GAB2: variants seen among roughly 807,000 people sequenced by gnomAD.
The protein encoded by GAB2 is GRB2 associated binding protein 2.
A neutral mutation model predicts 65.5 loss-of-function variants in GAB2; 26 were observed. The observed-to-expected ratio is 0.40, with a 90% CI of 0.29 to 0.55. The LOEUF (loss-of-function observed/expected upper bound fraction) is 0.55, where lower values mean the gene tolerates loss of function less well. GAB2 is among the 20% of genes least tolerant of loss of function. The pLI is 0.53. For missense variants in GAB2, 884 were observed against 875.8 expected (o/e 1.01, Z -0.12); for synonymous variants, 321 against 329.6 (o/e 0.97, Z 0.28).
At chr11:78,389,879 CCTAG>C (rs1388138639) in intron 1 of GAB2, among the ~76,000 whole-genome samples, 1 of 152,176 alleles carries the variant, frequency 6.6e-6, no homozygotes, top group Non-Finnish European at 1.5e-5. Context: ...TCTCGCAATG[CCTAG>C]CTGAAGTTCT....
chr11:78,307,594 C>T (rs1855390996), intron 1 of GAB2, among the ~76,000 whole-genome samples: 1 of 92,822 alleles, frequency 1.1e-5, no homozygotes, highest in Non-Finnish European at 2.0e-5. Flanking sequence ...CCCATCTCTA[C>T]AAAAAATGTT....
chr11:78,232,798 GAC>G (rs1397378296), intron 3 of GAB2, among the ~76,000 whole-genome samples: 1 of 152,246 alleles, frequency 6.6e-6, no homozygotes. Flanking sequence ...AATCCAATCA[GAC>G]ACAGTTATGT....
intron 6 of GAB2, among the ~76,000 whole-genome samples, chr11:78,222,687 A>C (rs999270278): frequency 1.3e-5 from 2 of 152,018 alleles, no homozygotes; most frequent in African/African-American, 4.8e-5. Flanking sequence ...AGTTCAAGTG[A>C]TTCTCCTGCC....
chr11:78,361,133 T>A (rs1003745722), intron 1 of GAB2, among the ~76,000 whole-genome samples: 1 of 152,238 alleles, frequency 6.6e-6, no homozygotes, highest in African/African-American at 2.4e-5. Context: ...CTCAAATCCA[T>A]GGGAAAGATT....
chr11:78,254,879 T>C (rs1483070875), intron 2 of GAB2, among the ~76,000 whole-genome samples: 2 of 151,982 alleles, frequency 1.3e-5, no homozygotes, highest in African/African-American at 4.8e-5. Flanking sequence ...GCACTAAAAC[T>C]TGCCAAAATC....
At chr11:78,304,867 A>G (rs1193843157) in intron 1 of GAB2, among the ~76,000 whole-genome samples, 1 of 152,146 alleles carries the variant, frequency 6.6e-6, no homozygotes, top group Non-Finnish European at 1.5e-5. Context: ...CCTCCCCTCC[A>G]TGCCTATTTC....
At chr11:78,301,794 A>C (rs889355464) in intron 1 of GAB2, among the ~76,000 whole-genome samples, 1 of 152,212 alleles carries the variant, frequency 6.6e-6, no homozygotes, top group Admixed American at 6.5e-5. Flanking sequence ...TTCAAACTAT[A>C]CTATAAGGCT....
At chr11:78,411,358 T>A (rs570518732) in intron 1 of GAB2, among the ~76,000 whole-genome samples, 1 of 152,312 alleles carries the variant, frequency 6.6e-6, no homozygotes, top group South Asian at 2.1e-4. Flanking sequence ...AAGATTATTC[T>A]AAAATTTGTA....
At chr11:78,403,179 C>A (rs1247183123) in intron 1 of GAB2, among the ~76,000 whole-genome samples, 2 of 152,148 alleles carry the variant, frequency 1.3e-5, no homozygotes, top group East Asian at 3.9e-4. Flanking sequence ...GTTATAGCAG[C>A]CTGAATGGAC....
In GAB2 at chr11:78,295,851, T is replaced by C. The variant is rs1420814652; in HGVS notation, c.76-14950A>G. On this transcript the variant is annotated intron_variant, in intron 1 of 9. Coordinates refer to ENST00000361507, the MANE Select transcript of GAB2 (RefSeq NM_080491.3). ...AGAGTAAGATGAGTATAGGTGACTC[T>C]TGTTATTTCTGGTAGTTATGGTCTG... Among the ~76,000 whole-genome samples, 3 of 152,164 alleles carry C rather than the reference T, an allele frequency of 2.0e-5. No homozygotes were observed. In the East Asian group the frequency reaches 5.8e-4, roughly 29 times the overall value.
chr11:78,336,199 A>C (rs919426136), intron 1 of GAB2, among the ~76,000 whole-genome samples: 1 of 151,788 alleles, frequency 6.6e-6, no homozygotes, highest in African/African-American at 2.4e-5. Flanking sequence ...CTGTAGTCCC[A>C]GCTACTGAGG....
chr11:78,251,773 C>T (rs547530530), intron 2 of GAB2, among the ~76,000 whole-genome samples: 1 of 152,206 alleles, frequency 6.6e-6, no homozygotes, highest in Non-Finnish European at 1.5e-5. Flanking sequence ...CAGCACTTGG[C>T]CCATGCTCCC....
At chr11:78,317,058 T>C (rs564238950) in intron 1 of GAB2, among the ~76,000 whole-genome samples, 14 of 152,312 alleles carry the variant, frequency 9.2e-5, no homozygotes, top group African/African-American at 3.1e-4. Flanking sequence ...ATTCCACTTA[T>C]ATGACAAAGT....
At chr11:78,342,293 A>G (rs1856109506) in intron 1 of GAB2, among the ~76,000 whole-genome samples, 1 of 152,148 alleles carries the variant, frequency 6.6e-6, no homozygotes, top group Non-Finnish European at 1.5e-5. Flanking sequence ...TGTTGAAATT[A>G]AACTCCTTCT....
At chr11:78,383,076 G>C (rs929540481) in intron 1 of GAB2, among the ~76,000 whole-genome samples, 2 of 151,878 alleles carry the variant, frequency 1.3e-5, no homozygotes, top group African/African-American at 2.4e-5. Flanking sequence ...AATTCAAGAC[G>C]AGCCTGACCA....
chr11:78,215,638 C>G lies in GAB2; in HGVS notation c.*3634G>C, dbSNP rs562575620. 3 of 152,386 alleles carry G rather than the reference C, an allele frequency of 2.0e-5. No homozygotes were observed. The highest frequency in any genetic ancestry group is 7.2e-5 in the African/African-American group (3 of 41,566). The allele number at this position is 152,386 out of a possible 1,614,324, so 9.4% of individuals were successfully genotyped here. On this transcript the variant is annotated 3_prime_UTR_variant, in exon 10 of 10. Transcript: ENST00000361507. ...TGAAATAATTCTAGATTTCAAGACA[C>G]AAGTAGCCAACAAATACACAACACA...
chr11:78,377,516 G>A (rs942087230), intron 1 of GAB2, among the ~76,000 whole-genome samples: 1 of 152,148 alleles, frequency 6.6e-6, no homozygotes, highest in Non-Finnish European at 1.5e-5. Context: ...CACAAACATT[G>A]AGTCGGTAGC....
chr11:78,351,969 T>C (rs534993950), intron 1 of GAB2, among the ~76,000 whole-genome samples: 1 of 152,140 alleles, frequency 6.6e-6, no homozygotes, highest in East Asian at 1.9e-4. Context: ...TACCAGCACT[T>C]TGGGAGGCCG....
intron 1 of GAB2, among the ~76,000 whole-genome samples, chr11:78,293,915 T>C (rs764477446): frequency 8.3e-5 from 9 of 107,796 alleles, no homozygotes; most frequent in Non-Finnish European, 1.9e-4. Context: ...TGAGTCTTTT[T>C]TTATTTTTAT....
Sources: allele counts gnomAD v4.1 joint callset (sites outside exome capture counted in the v4.1 genomes callset), GRCh38; gene constraint gnomAD v4.1.1; transcripts MANE v1.5; gene names NCBI Gene and HGNC (gene_info 2026-07-23, HGNC 2026-07-21).